Variants in CALN1 observed in about 807,000 individuals in gnomAD.
CALN1 encodes the protein calneuron 1, also known as calcium-binding protein 8.
In CALN1, 17 loss-of-function variants were observed where a neutral mutation model predicts 30.6. The ratio of observed to expected loss-of-function variants is 0.56; its 90% CI spans 0.38 to 0.83. The LOEUF (loss-of-function observed/expected upper bound fraction) is 0.83, where lower values mean the gene tolerates loss of function less well. Ranked by LOEUF, CALN1 falls within the 40% of genes least tolerant of loss-of-function variation. CALN1 has a pLI of 0.00. For synonymous variants in CALN1, 156 were observed against 131.4 expected (o/e 1.19, Z -1.28); for missense variants, 291 against 354.9 (o/e 0.82, Z 1.45).
intron 1 of CALN1, among the ~76,000 whole-genome samples, chr7:72,426,500 G>T (rs932095519): frequency 1.3e-5 from 2 of 152,230 alleles, no homozygotes; most frequent in Non-Finnish European, 2.9e-5. Flanking sequence ...TCCGCCATGA[G>T]TGTAAGTTTC....
upstream of CALN1, among the ~76,000 whole-genome samples, chr7:72,413,704 A>G (rs955873945): frequency 6.6e-6 from 1 of 152,062 alleles, no homozygotes; most frequent in African/African-American, 2.4e-5. Flanking sequence ...CACTACACAT[A>G]CACATATACA....
At chr7:71,889,959 T>C (rs71551232) in intron 5 of CALN1, among the ~76,000 whole-genome samples, 17,268 of 148,128 alleles carry the variant, frequency 0.12, 1,432 homozygotes, top group East Asian at 0.43. Context: ...ATCTAGACTC[T>C]GTCTCGGAAA....
chr7:72,239,661 GTTAAC>G, intron 3 of CALN1, among the ~76,000 whole-genome samples: 1 of 150,936 alleles, frequency 6.6e-6, no homozygotes, highest in East Asian at 2.0e-4. Context: ...TGTAGATCAA[GTTAAC>G]TCAACAGAAT....
At chr7:72,198,252 A>G (rs1180289052) in intron 3 of CALN1, among the ~76,000 whole-genome samples, 1 of 152,202 alleles carries the variant, frequency 6.6e-6, no homozygotes, top group Non-Finnish European at 1.5e-5. Flanking sequence ...CAATACTTGC[A>G]AGGCTTTTTA....
intron 5 of CALN1, among the ~76,000 whole-genome samples, chr7:71,875,611 A>G (rs554865491): frequency 6.6e-6 from 1 of 152,292 alleles, no homozygotes; most frequent in Admixed American, 6.5e-5. Flanking sequence ...CTGTGGTAGA[A>G]TAACATGCCC....
chr7:72,221,557 C>G (rs981314134), intron 3 of CALN1, among the ~76,000 whole-genome samples: 2 of 152,080 alleles, frequency 1.3e-5, no homozygotes, highest in Non-Finnish European at 2.9e-5. Context: ...CCATAGTTCA[C>G]TACATAACTA....
At chr7:72,455,796 A>C in the CALN1 span, among the ~76,000 whole-genome samples, 1 of 152,164 alleles carries the variant, frequency 6.6e-6, no homozygotes, top group African/African-American at 2.4e-5. Context: ...AACATCAATC[A>C]AGGGGAGAGA....
intron 3 of CALN1, among the ~76,000 whole-genome samples, chr7:72,253,053 G>A (rs1281950091): frequency 5.9e-5 from 9 of 152,222 alleles, no homozygotes; most frequent in African/African-American, 1.7e-4. Flanking sequence ...TGGAAGGGAT[G>A]AGAGCTGAAG....
rs574341740 is a variant in CALN1, at chr7:71,782,011, T to C, written c.*5764A>G. 6.6e-6 allele frequency: 1 copy of C among 152,174 alleles called. No homozygotes were observed. The highest frequency in any genetic ancestry group is 2.1e-4 in the South Asian group (1 of 4,832). The allele number at this position is 152,174 out of a possible 1,614,324, so 9.4% of individuals were successfully genotyped here. ...GACCCTATGAAGAGTCCCAAATGAA[T>C]ATGAAGGAGAAACCACAGCTGTCAA... On this transcript the variant is annotated 3_prime_UTR_variant, in exon 7 of 7. Transcript: ENST00000395275.
At chr7:72,203,800 T>C (rs1161636927) in intron 3 of CALN1, among the ~76,000 whole-genome samples, 1 of 152,164 alleles carries the variant, frequency 6.6e-6, no homozygotes, top group African/African-American at 2.4e-5. Flanking sequence ...TTTCTGTTTA[T>C]TGTTTAATAA....
intron 5 of CALN1, among the ~76,000 whole-genome samples, chr7:71,945,509 A>G (rs1796360501): frequency 6.6e-6 from 1 of 152,226 alleles, no homozygotes; most frequent in South Asian, 2.1e-4. Context: ...GAACCAGGCT[A>G]CACAGCAGGA....
At chr7:72,495,885 ATAATTC>A in the CALN1 span, among the ~76,000 whole-genome samples, 1 of 152,158 alleles carries the variant, frequency 6.6e-6, no homozygotes, top group African/African-American at 2.4e-5. Flanking sequence ...TCATGGGCAG[ATAATTC>A]TATTTCTGTT....
At chr7:71,843,102 T>C (rs1790028101) in intron 5 of CALN1, among the ~76,000 whole-genome samples, 1 of 152,032 alleles carries the variant, frequency 6.6e-6, no homozygotes, top group South Asian at 2.1e-4. Flanking sequence ...GAAATGTAGG[T>C]GAAACATATA....
intron 5 of CALN1, among the ~76,000 whole-genome samples, chr7:71,897,757 T>TA: frequency 6.6e-6 from 1 of 150,794 alleles, no homozygotes; most frequent in Non-Finnish European, 1.5e-5. Context: ...CCACAAATAA[T>TA]AAAAAATAGT....
intron 2 of CALN1, among the ~76,000 whole-genome samples, chr7:72,292,618 C>T (rs921237120): frequency 2.6e-5 from 4 of 151,226 alleles, no homozygotes; most frequent in Non-Finnish European, 4.4e-5. Flanking sequence ...GTCAGGAATT[C>T]GAGACCAGCC....
At chr7:72,140,159 T>C (rs1189784171) in intron 3 of CALN1, among the ~76,000 whole-genome samples, 2 of 151,676 alleles carry the variant, frequency 1.3e-5, no homozygotes, top group Non-Finnish European at 2.9e-5. Context: ...CAGTCCCAGC[T>C]ACTAGGGAGA....
At chr7:72,411,912 G>A (rs931800229) in intron 1 of CALN1, 146 bp downstream of exon 1, 2 of 152,118 alleles carry the variant, frequency 1.3e-5, no homozygotes, top group Non-Finnish European at 2.9e-5. Context: ...ATCATAAACC[G>A]ATAAAGAAAA....
At chr7:71,876,876 C>T (rs1183831450) in intron 5 of CALN1, among the ~76,000 whole-genome samples, 2 of 152,088 alleles carry the variant, frequency 1.3e-5, no homozygotes, top group South Asian at 2.1e-4. Flanking sequence ...TTTTATCTGT[C>T]GTTTGGTTTA....
Position 71,810,350 on chromosome 7 carries a change from G to A in CALN1, c.644C>T (p.Thr215Ile), listed in dbSNP as rs1316614393. 6.2e-7 allele frequency: 1 copy of A among 1,613,894 alleles called. No homozygotes were observed. The highest frequency in any genetic ancestry group is 8.5e-7 in the Non-Finnish European group (1 of 1,179,986). ...GGGGCACCTACCTCCTTCAAACTCT[G>A]TTTGGCAGTTCCCCGAGGTCTCATT... ...SLNETSGNCQ[T>I]EFEGVHSQKQ... The change falls in exon 6 of 7, where the codon ACA (threonine) becomes ATA (isoleucine). Residue 215 changes from threonine to isoleucine, a missense_variant. This residue lies in a region of CALN1 where 169 missense variants were observed against 251.7 expected (regional missense o/e 0.67). Coordinates refer to ENST00000395275, the MANE Select transcript of CALN1 (RefSeq NM_031468.4).
Sources: gnomAD v4.1 joint callset for allele counts (sites outside exome capture counted in the v4.1 genomes callset) on GRCh38, gnomAD v4.1.1 for gene constraint, gnomAD v4.1.1 regional missense constraint, MANE v1.5 for transcripts, NCBI Gene and HGNC (gene_info 2026-07-23, HGNC 2026-07-21) for gene names.